Variants in EPSTI1 observed in about 807,000 individuals in gnomAD.
EPSTI1 encodes the protein epithelial-stromal interaction protein 1.
Under a neutral mutation model 49.9 loss-of-function variants are expected in EPSTI1, and 66 were observed. That is an observed-to-expected ratio of 1.32 (90% confidence interval 1.08 to 1.62). EPSTI1 has a LOEUF of 1.62. Among genes scored for constraint, EPSTI1 ranks in the 40% most tolerant of loss-of-function variants. EPSTI1 has a pLI of 0.00. For missense variants in EPSTI1, 394 were observed against 365.5 expected (o/e 1.08, Z -0.64); for synonymous variants, 137 against 130.7 (o/e 1.05, Z -0.33).
intron 6 of EPSTI1, among the ~76,000 whole-genome samples, chr13:42,937,573 G>C (rs2038606918): frequency 6.6e-6 from 1 of 152,196 alleles, no homozygotes; most frequent in Non-Finnish European, 1.5e-5. Context: ...AGCAGGAGTA[G>C]TTCCCATCTT....
chr13:42,919,480 A>G, intron 7 of EPSTI1: 1 of 712,614 alleles, frequency 1.4e-6, no homozygotes, highest in South Asian at 1.8e-5. Context: ...TTATCATTCA[A>G]CCAAAATACA....
intron 10 of EPSTI1, 134 bp downstream of exon 10, chr13:42,894,875 G>T: frequency 1.5e-6 from 1 of 685,240 alleles, no homozygotes; most frequent in Non-Finnish European, 2.4e-6. Context: ...CTGGCTGACT[G>T]CCCATCACAC....
chr13:42,959,572 G>A (rs1464243556), intron 5 of EPSTI1, among the ~76,000 whole-genome samples: 2 of 152,160 alleles, frequency 1.3e-5, no homozygotes, highest in East Asian at 1.9e-4. Context: ...CATCTAATAT[G>A]CATAACTTAT....
At chr13:42,956,838 A>G (rs1205280710) in intron 5 of EPSTI1, among the ~76,000 whole-genome samples, 1 of 152,242 alleles carries the variant, frequency 6.6e-6, no homozygotes, top group African/African-American at 2.4e-5. Context: ...TAGAGAAAGG[A>G]GTAGAAGATA....
intron 8 of EPSTI1, among the ~76,000 whole-genome samples, chr13:42,901,856 G>A (rs1397082675): frequency 2.6e-5 from 4 of 152,004 alleles, no homozygotes; most frequent in East Asian, 3.9e-4. Flanking sequence ...ATGCTGGTGC[G>A]CTGCACCCAC....
rs556783556 is a variant in EPSTI1, at chr13:42,964,135, T to A, written c.336A>T (p.Gly112=). The A allele has an allele frequency of 6.8e-6, 11 of 1,612,818 alleles. No homozygotes were observed. The highest frequency in any genetic ancestry group is 9.3e-6 in the Non-Finnish European group (11 of 1,179,562). Reference sequence around the variant, plus strand: ...GTCTGACTTCAGTTTCTGACTGGCTTCCACCTTAGGAAAAAAAAATCCATG... The same window carrying A: ...GTCTGACTTCAGTTTCTGACTGGCTACCACCTTAGGAAAAAAAAATCCATG... ...PVHLVPRRLG[G]SQSETEVRQK... is the part of the protein sequence containing the mutation. The change falls in exon 4 of 11, where the codon GGA becomes GGT. Residue 112 remains glycine (G), a synonymous_variant. Transcript: ENST00000313624.
intron 6 of EPSTI1, among the ~76,000 whole-genome samples, 184 bp from the exon 7 acceptor site, chr13:42,926,613 A>C (rs1321506229): frequency 6.6e-6 from 1 of 152,254 alleles, no homozygotes; most frequent in Admixed American, 6.5e-5. Flanking sequence ...GCAAGATTGC[A>C]TTCTTCAAGA....
rs1161224574 is a variant in EPSTI1 at position 42,942,658 on chromosome 13, C to CTTTTTTT, written c.563+11283_563+11289dup. 4.5e-4 allele frequency among the ~76,000 whole-genome samples: 29 copies of CTTTTTTT among 64,648 alleles called. 1 individual carries two copies. Among genetic ancestry groups the CTTTTTTT allele is most frequent in the South Asian group, 8.5e-4 (1 of 1,180 alleles). 42.4% of individuals were successfully genotyped at this position (64,648 alleles called of 152,430 possible). A position where few individuals can be genotyped will look rare whatever the true frequency, so the allele number is the denominator to read the frequency against. ...TGATTTTAATTAGATCCTGTTGATT[C>CTTTTTTT]TTTTTTTTTTTTTTTTTTTTTTTTT... is the stretch of plus-strand genomic sequence containing the variant. On this transcript the variant is annotated intron_variant, in intron 6 of 10. Transcript: ENST00000313624.
intron 10 of EPSTI1, chr13:42,889,161 T>G (rs1327815863): frequency 1.4e-5 from 20 of 1,440,808 alleles, no homozygotes; most frequent in Non-Finnish European, 1.9e-5. Flanking sequence ...GAGCCTCACC[T>G]ATTGTATCAG....
In EPSTI1 at chr13:42,896,440, C is replaced by T. The variant is rs2037191520; in HGVS notation, c.816-1332G>A. 2.0e-5 allele frequency among the ~76,000 whole-genome samples: 3 copies of T among 152,256 alleles called. No individual in the cohort carries two copies. The South Asian group carries it at 6.2e-4, about 32-fold the overall frequency. ...CTGCATGCCTGGAGCTGTTCTTATCCAGTCTTTTTGTCATTAACAAAGATG... is the reference window on the plus strand; with the variant it reads ...CTGCATGCCTGGAGCTGTTCTTATCTAGTCTTTTTGTCATTAACAAAGATG... On this transcript the variant is annotated intron_variant, in intron 9 of 10. Transcript: ENST00000313624.
At position 42,992,189 on chromosome 13, in the gene EPSTI1, G is replaced by A; in HGVS notation, c.-24C>T. ...ATGGTTCACAGCCCGCGGGTCCCGGGCCGCCGTCGCTGCGGGAGGGATGCG... is the reference window on the plus strand; with the variant it reads ...ATGGTTCACAGCCCGCGGGTCCCGGACCGCCGTCGCTGCGGGAGGGATGCG... On this transcript the variant is annotated 5_prime_UTR_variant, in exon 1 of 11. Coordinates refer to ENST00000313624, the MANE Select transcript of EPSTI1 (RefSeq NM_033255.5). The A allele has an allele frequency of 1.3e-6, 2 of 1,518,924 alleles. No individual in the cohort carries two copies. Among genetic ancestry groups the A allele is most frequent in the Non-Finnish European group, 1.8e-6 (2 of 1,134,486 alleles). 94.1% of individuals were successfully genotyped at this position (1,518,924 alleles called of 1,614,324 possible).
intron 6 of EPSTI1, among the ~76,000 whole-genome samples, chr13:42,932,818 A>G (rs2038421897): frequency 6.6e-6 from 1 of 152,212 alleles, no homozygotes; most frequent in Non-Finnish European, 1.5e-5. Context: ...ACCAGTGATA[A>G]GGATACTGAT....
chr13:42,892,139 AAGGAGAGCAGC>A lies in EPSTI1; in HGVS notation c.915+2859_915+2869del, dbSNP rs1159714609. 2.6e-5 allele frequency among the ~76,000 whole-genome samples: 4 copies of A among 152,330 alleles called. No homozygotes were observed. In the East Asian group the frequency reaches 5.8e-4, roughly 22 times the overall value. On this transcript the variant is annotated intron_variant, in intron 10 of 10. Coordinates refer to ENST00000313624, the MANE Select transcript of EPSTI1 (RefSeq NM_033255.5). Reference sequence around the variant, plus strand: ...CTGGTGTGGCTAGAGAGAAATGAAGAAGGAGAGCAGCAGGAGAGCCAGAGGGCTAAGAAGGA... The same window carrying A: ...CTGGTGTGGCTAGAGAGAAATGAAGAAGGAGAGCCAGAGGGCTAAGAAGGA...
At chr13:42,979,767 T>C (rs1304115076) in intron 1 of EPSTI1, among the ~76,000 whole-genome samples, 1 of 152,154 alleles carries the variant, frequency 6.6e-6, no homozygotes, top group Non-Finnish European at 1.5e-5. Context: ...ACATCATCCC[T>C]AAATATTTTA....
At chr13:42,940,605 C>A (rs1160682730) in intron 6 of EPSTI1, among the ~76,000 whole-genome samples, 2 of 152,110 alleles carry the variant, frequency 1.3e-5, no homozygotes, top group Non-Finnish European at 2.9e-5. Context: ...ACAGGGTCTC[C>A]CCTGTGTCAC....
rs1019557773 is a variant in EPSTI1 at position 42,900,395 on chromosome 13, A to G, written c.742-12T>C. Reference sequence around the variant, plus strand: ...TCCAGTAATTCACTCTAGGAACAATAAAAGTTTTAAAATATGGTTTTCAAT... The same window carrying G: ...TCCAGTAATTCACTCTAGGAACAATGAAAGTTTTAAAATATGGTTTTCAAT... On this transcript the variant is annotated splice_polypyrimidine_tract_variant and intron_variant, in intron 8 of 10. Coordinates refer to ENST00000313624, the MANE Select transcript of EPSTI1 (RefSeq NM_033255.5). 6.2e-7 allele frequency: 1 copy of G among 1,612,940 alleles called. No homozygotes were observed. Among genetic ancestry groups the G allele is most frequent in the Non-Finnish European group, 8.5e-7 (1 of 1,179,228 alleles).
At chr13:42,959,485 C>A (rs2039377482) in intron 5 of EPSTI1, among the ~76,000 whole-genome samples, 1 of 152,200 alleles carries the variant, frequency 6.6e-6, no homozygotes, top group African/African-American at 2.4e-5. Flanking sequence ...AAACTGTTAG[C>A]CCTTGCTACT....
At position 42,900,497 on chromosome 13, in the gene EPSTI1, C is replaced by T. The variant is rs12867175; in HGVS notation, c.742-114G>A. The T allele has an allele frequency of 5.1e-6, 5 of 988,486 alleles. No homozygotes were observed. In the South Asian group the frequency reaches 7.4e-5, roughly 15 times the overall value. 61.2% of individuals were successfully genotyped at this position (988,486 alleles called of 1,614,324 possible). ...CTGGTACAATATTTCATTTTTGAAACTTTTACTTAAGTACTATTTGGATGT... is the reference window on the plus strand; with the variant it reads ...CTGGTACAATATTTCATTTTTGAAATTTTTACTTAAGTACTATTTGGATGT... On this transcript the variant is annotated intron_variant, in intron 8 of 10. Transcript: ENST00000313624.
At chr13:42,952,892 T>G (rs17063897) in intron 6 of EPSTI1, among the ~76,000 whole-genome samples, 3,418 of 152,248 alleles carry the variant, frequency 0.022, 97 homozygotes, top group African/African-American at 0.063. Flanking sequence ...TTTAGTGGCA[T>G]GAGAAATCAG....
Sources: gnomAD v4.1 joint callset for allele counts (sites outside exome capture counted in the v4.1 genomes callset) on GRCh38, gnomAD v4.1.1 for gene constraint, MANE v1.5 for transcripts, NCBI Gene and HGNC (gene_info 2026-07-23, HGNC 2026-07-21) for gene names.